SLC1A6: variants seen among roughly 807,000 people sequenced by gnomAD.
SLC1A6 encodes the protein excitatory amino acid transporter 4.
Under a neutral mutation model 42.1 loss-of-function variants are expected in SLC1A6, and 15 were observed. That is an observed-to-expected ratio of 0.36 (90% CI 0.24 to 0.55). The LOEUF (loss-of-function observed/expected upper bound fraction) is 0.55. Ranked by LOEUF, SLC1A6 falls within the 20% of genes least tolerant of loss-of-function variation. The pLI, the probability that SLC1A6 is intolerant of heterozygous loss-of-function variation, is 0.88. For synonymous variants in SLC1A6, 317 were observed against 319.7 expected (o/e 0.99, Z 0.09); for missense variants, 542 against 772.5 (o/e 0.70, Z 3.54).
chr19:14,951,010 G>A (rs149795760), intron 9 of SLC1A6, among the ~76,000 whole-genome samples: 7 of 146,092 alleles, frequency 4.8e-5, no homozygotes, highest in Admixed American at 2.1e-4. Flanking sequence ...CAAGGCGGGC[G>A]GATCACAAGG....
At chr19:15,007,795 C>T (rs76318426) in intron 1 of SLC1A6, among the ~76,000 whole-genome samples, 269 of 152,124 alleles carry the variant, frequency 1.8e-3, no homozygotes, top group African/African-American at 6.4e-3. Flanking sequence ...GGGGGCGAGA[C>T]GGGTGGATCA....
intron 1 of SLC1A6, among the ~76,000 whole-genome samples, chr19:14,986,595 CT>C (rs34762676): frequency 0.51 from 75,005 of 145,858 alleles, 19,105 homozygotes; most frequent in South Asian, 0.63. Flanking sequence ...ATGAAACTGG[CT>C]TTTTTTTTTT....
chr19:15,003,340 A>G (rs1170552079), intron 1 of SLC1A6, among the ~76,000 whole-genome samples: 4 of 152,210 alleles, frequency 2.6e-5, no homozygotes, highest in African/African-American at 7.2e-5. Flanking sequence ...CTTGTCACTC[A>G]CTGACCAGCA....
rs2045440893 is a variant in SLC1A6, at chr19:14,954,341, A to G, written c.1170-12T>C. On this transcript the variant is annotated splice_polypyrimidine_tract_variant and intron_variant, in intron 7 of 9. Coordinates refer to ENST00000594383, the MANE Select transcript of SLC1A6 (RefSeq NM_005071.3). Reference sequence around the variant, plus strand: ...GCAGCGTTGCCGAGCTGGGGGAAAGAGCCCAGGACTGAGGATGGGGCGTGG... The same window carrying G: ...GCAGCGTTGCCGAGCTGGGGGAAAGGGCCCAGGACTGAGGATGGGGCGTGG... 1 of 1,603,570 alleles carries G rather than the reference A, an allele frequency of 6.2e-7. No homozygotes were observed. The highest frequency in any genetic ancestry group is 1.1e-5 in the South Asian group (1 of 91,032).
chr19:14,964,211 GCT>G, intron 5 of SLC1A6, 106 bp downstream of exon 5: 1 of 877,828 alleles, frequency 1.1e-6, no homozygotes, highest in Non-Finnish European at 1.9e-6. Flanking sequence ...CCTGCCCATT[GCT>G]CTGTCAGGCC....
chr19:14,973,013 T>A, intron 1 of SLC1A6, 96 bp from the exon 2 acceptor site: 1 of 966,736 alleles, frequency 1.0e-6, no homozygotes, highest in Non-Finnish European at 1.5e-6. Context: ...GAGCGCTTCC[T>A]GAGGACTCTC....
upstream of SLC1A6, chr19:14,979,928 C>T (rs2045755873): frequency 6.6e-6 from 1 of 152,196 alleles, no homozygotes; most frequent in South Asian, 2.1e-4. This position sits in a 1 kb window ranked among gnomAD's most constrained non-coding sequence, Gnocchi z 4.2. Context: ...CGGAGCCGCG[C>T]CTCCGCGCCC....
chr19:14,990,859 G>T (rs56207006), intron 1 of SLC1A6, among the ~76,000 whole-genome samples: 17,867 of 151,710 alleles, frequency 0.12, 1,334 homozygotes, highest in East Asian at 0.33. Flanking sequence ...TAACAATACA[G>T]TGTATTCTAG....
chr19:14,957,385 AC>A (rs1396785672), intron 6 of SLC1A6, among the ~76,000 whole-genome samples: 4 of 151,936 alleles, frequency 2.6e-5, no homozygotes, highest in Non-Finnish European at 5.9e-5. Flanking sequence ...TGAGATCCTA[AC>A]CCCCAATGGG....
intron 8 of SLC1A6, 139 bp downstream of exon 8, chr19:14,953,996 C>T (rs2045437199): frequency 1.4e-6 from 1 of 733,598 alleles, no homozygotes; most frequent in East Asian, 2.7e-5. Flanking sequence ...GCATTGGGCT[C>T]TTCCCACATC....
At chr19:15,010,225 G>GAAA (rs58794901) in intron 1 of SLC1A6, among the ~76,000 whole-genome samples, 1 of 89,840 alleles carries the variant, frequency 1.1e-5, no homozygotes, top group Non-Finnish European at 2.5e-5. Flanking sequence ...AAGAGAGAGA[G>GAAA]AGAAAAGAAA....
At chr19:14,961,317 G>T (rs2045509206) in intron 6 of SLC1A6, 1 of 152,148 alleles carries the variant, frequency 6.6e-6, no homozygotes, top group South Asian at 2.1e-4. Flanking sequence ...ACATTATGTT[G>T]CACATGAAAA....
chr19:14,955,717 A>T (rs995920378), intron 7 of SLC1A6, among the ~76,000 whole-genome samples: 1 of 152,020 alleles, frequency 6.6e-6, no homozygotes, highest in African/African-American at 2.4e-5. Context: ...GGCAGATCAC[A>T]TGAGGCCAGG....
chr19:14,986,347 G>A (rs2045792554), intron 1 of SLC1A6, among the ~76,000 whole-genome samples: 3 of 151,646 alleles, frequency 2.0e-5, no homozygotes, highest in African/African-American at 7.3e-5. Context: ...GTGAAACCCC[G>A]TCTCTACTAA....
intron 1 of SLC1A6, among the ~76,000 whole-genome samples, chr19:15,001,356 T>C (rs914361252): frequency 1.3e-5 from 2 of 152,030 alleles, no homozygotes; most frequent in African/African-American, 2.4e-5. Context: ...CTTTAAGAGA[T>C]AATATTTGAA....
Position 14,953,070 on chromosome 19 carries a change from G to T in SLC1A6, c.1365-8C>A. 1.2e-6 allele frequency: 2 copies of T among 1,611,402 alleles called. No individual in the cohort carries two copies. Among genetic ancestry groups the T allele is most frequent in the African/African-American group, 2.7e-5 (2 of 74,954 alleles). On this transcript the variant is annotated splice_polypyrimidine_tract_variant and splice_region_variant and intron_variant, in intron 8 of 9. Transcript: ENST00000594383. ...GCTGCTGTGGCCGTGATGCTGCAGG[G>T]GGAGGGAGAACATGGGGAGCAGATG... is the stretch of plus-strand genomic sequence containing the variant.
At chr19:14,972,431 TAAA>T (rs1249619945) in intron 2 of SLC1A6, among the ~76,000 whole-genome samples, 4 of 107,996 alleles carry the variant, frequency 3.7e-5, no homozygotes, top group African/African-American at 1.3e-4. Context: ...GTGTGCATAG[TAAA>T]GTGTTTGTAC....
At chr19:15,008,576 G>T (rs1025465278) in intron 1 of SLC1A6, among the ~76,000 whole-genome samples, 2 of 152,048 alleles carry the variant, frequency 1.3e-5, no homozygotes, top group Non-Finnish European at 2.9e-5. Context: ...TAAAGGAAGA[G>T]AAATCATTAT....
rs772352981 is a variant in SLC1A6, at chr19:14,962,076, G to C, written c.861C>G (p.His287Gln). 1 of 1,614,198 alleles carries C rather than the reference G, an allele frequency of 6.2e-7. No homozygotes were observed. Among genetic ancestry groups the C allele is most frequent in the East Asian group, 2.2e-5 (1 of 44,880 alleles). ...AGAAGTCCCTGAGGACTCTGCCCTT[G>C]TGTTTCATGCCACCAATGACCAGCC... ...AFGLVIGGMK[H>Q]KGRVLRDFFD... The change falls in exon 6 of 10, where the codon CAC becomes CAG. Residue 287 changes from histidine (H) to glutamine (Q), a missense_variant. This residue lies in a region of SLC1A6 where 298 missense variants were observed against 419.4 expected (regional missense o/e 0.71). Transcript: ENST00000594383.
Sources: allele counts gnomAD v4.1 joint callset (sites outside exome capture counted in the v4.1 genomes callset), GRCh38; gene constraint gnomAD v4.1.1; regional missense constraint gnomAD v4.1.1; non-coding constraint Gnocchi (gnomAD v3.1); transcripts MANE v1.5; gene names NCBI Gene and HGNC (gene_info 2026-07-23, HGNC 2026-07-21).